The following PDZD2 variants were observed in gnomAD, a reference collection of about 807,000 sequenced individuals.
PDZD2 encodes PDZ domain-containing protein 2.
PDZD2 carries 90 observed loss-of-function variants against 220.7 expected under a neutral mutation model. The observed-to-expected ratio is 0.41, with a 90% CI of 0.34 to 0.49. PDZD2 has a LOEUF of 0.49. PDZD2 is among the 20% of genes least tolerant of loss of function. PDZD2 has a pLI of 0.28. For missense variants in PDZD2, 3,174 were observed against 3,608.5 expected, an observed-to-expected ratio of 0.88 and a Z score of 3.08; for synonymous variants, 1,375 against 1,450.5, an observed-to-expected ratio of 0.95 and a Z score of 1.18.
chr5:31,843,007 G>A (rs559402059), intron 2 of PDZD2, among the ~76,000 whole-genome samples: 10 of 151,298 alleles, frequency 6.6e-5, no homozygotes, highest in Non-Finnish European at 8.8e-5. Context: ...TCAGCCTCCC[G>A]AGTAGCTGCG....
At chr5:31,793,514 AG>A (rs1375067025) in intron 1 of PDZD2, among the ~76,000 whole-genome samples, 1 of 152,144 alleles carries the variant, frequency 6.6e-6, no homozygotes, top group Non-Finnish European at 1.5e-5. Flanking sequence ...GCACTAGAAA[AG>A]CTTTATAATG....
intron 1 of PDZD2, among the ~76,000 whole-genome samples, chr5:31,775,130 A>G: frequency 6.6e-6 from 1 of 152,182 alleles, no homozygotes; most frequent in Non-Finnish European, 1.5e-5. Flanking sequence ...CTATAGTACA[A>G]ACGTCTTCAT....
chr5:32,080,377 GGTGA>G (rs1741813652), intron 19 of PDZD2, among the ~76,000 whole-genome samples: 1 of 148,870 alleles, frequency 6.7e-6, no homozygotes, highest in African/African-American at 2.6e-5. Flanking sequence ...AAAAGTGGGG[GGTGA>G]GGGGTTTCTA....
At chr5:31,931,871 G>T (rs1252569372) in intron 2 of PDZD2, among the ~76,000 whole-genome samples, 1 of 152,064 alleles carries the variant, frequency 6.6e-6, no homozygotes, top group African/African-American at 2.4e-5. Flanking sequence ...AGGAGGGCTG[G>T]ATGGGAGGGG....
At chr5:31,818,323 T>C (rs1459995942) in intron 2 of PDZD2, among the ~76,000 whole-genome samples, 3 of 152,134 alleles carry the variant, frequency 2.0e-5, no homozygotes, top group Non-Finnish European at 4.4e-5. Context: ...ATTTCGAAAG[T>C]AGTCATCTCA....
At chr5:31,772,856 C>G (rs1580725581) in intron 1 of PDZD2, among the ~76,000 whole-genome samples, 1 of 151,076 alleles carries the variant, frequency 6.6e-6, no homozygotes, top group East Asian at 1.9e-4. Context: ...TTCTGCAGCT[C>G]AACTGAGTAA....
chr5:31,994,391 G>A (rs968749348), intron 3 of PDZD2, among the ~76,000 whole-genome samples: 2 of 152,114 alleles, frequency 1.3e-5, no homozygotes, highest in Non-Finnish European at 1.5e-5. Context: ...CCCAGTGTCT[G>A]TGGCAGTGGG....
rs70955736 is a variant in PDZD2 at position 31,689,239 on chromosome 5, T to TTGTGTGTGTGTG, written c.-361+49816_-361+49827dup. ...ACTTGCCAGCATGCCTGGCTAATGT[T>TTGTGTGTGTGTG]TGTGTGTGTGTGTGTGTGTGTGTGT... On this transcript the variant is annotated intron_variant, in intron 1 of 24. Transcript: ENST00000438447. Among the ~76,000 whole-genome samples the TTGTGTGTGTGTG allele has an allele frequency of 6.8e-3, 955 of 140,046 alleles. 12 individuals are homozygous for TTGTGTGTGTGTG. Among genetic ancestry groups the TTGTGTGTGTGTG allele is most frequent in the African/African-American group, 0.024 (882 of 37,040 alleles). The allele number at this position is 140,046 out of a possible 152,430, so 91.9% of individuals were successfully genotyped here.
chr5:31,913,387 T>C (rs1743377920), intron 2 of PDZD2, among the ~76,000 whole-genome samples: 1 of 151,590 alleles, frequency 6.6e-6, no homozygotes, highest in African/African-American at 2.4e-5. Flanking sequence ...AACACAAAGC[T>C]AAGATTTAGC....
intron 6 of PDZD2, among the ~76,000 whole-genome samples, chr5:32,025,946 A>G (rs1212092165): frequency 1.3e-5 from 2 of 152,118 alleles, no homozygotes; most frequent in Non-Finnish European, 2.9e-5. Flanking sequence ...TGGCATGCCC[A>G]GTTAAAACAA....
At chr5:31,918,536 TCTGA>T (rs1456172067) in intron 2 of PDZD2, among the ~76,000 whole-genome samples, 2 of 152,234 alleles carry the variant, frequency 1.3e-5, no homozygotes, top group African/African-American at 4.8e-5. Context: ...CACCTGGTGT[TCTGA>T]CTGTCTCAGG....
intron 1 of PDZD2, among the ~76,000 whole-genome samples, chr5:31,643,880 A>G (rs966238394): frequency 4.0e-5 from 6 of 151,812 alleles, no homozygotes; most frequent in African/African-American, 1.5e-4. Context: ...CTGCAGTGGC[A>G]TGACCACGGC....
chr5:32,088,335 A>C lies in PDZD2; in HGVS notation c.4887A>C (p.Lys1629Asn). ...TQAAICPASAKVLSLKYSTPR... is the reference protein window; with the variant it reads ...TQAAICPASANVLSLKYSTPR... ...CTGCCATCTGTCCTGCCTCAGCCAA[A>C]GTTCTGTCATTAAAATACAGCACTC... is the stretch of plus-strand genomic sequence containing the variant. The change falls in exon 20 of 25, where the codon AAA becomes AAC. Residue 1629 changes from lysine (K) to asparagine (N), a missense_variant. By Grantham distance (94) the Lys-to-Asn change is moderately conservative. Coordinates refer to ENST00000438447, the MANE Select transcript of PDZD2 (RefSeq NM_178140.4). The surrounding 1 kb of genome is among the most constrained non-coding windows in gnomAD (Gnocchi z 4.6). 3 of 1,613,992 alleles carry C rather than the reference A, an allele frequency of 1.9e-6. No individual in the cohort carries two copies. Among genetic ancestry groups the C allele is most frequent in the Non-Finnish European group, 1.7e-6 (2 of 1,180,006 alleles).
Position 31,749,568 on chromosome 5 carries a change from C to T in PDZD2, c.-360-49321C>T, listed in dbSNP as rs553767277. 2.7e-3 allele frequency among the ~76,000 whole-genome samples: 417 copies of T among 152,102 alleles called. 1 individual carries two copies. Among genetic ancestry groups the T allele is most frequent in the Non-Finnish European group, 3.9e-3 (265 of 68,004 alleles). ...CTTCCCGAGTAGCTGGGATTACGGG[C>T]GCCCGCCACCATGCCTGGCTAATTT... On this transcript the variant is annotated intron_variant, in intron 1 of 24. Coordinates refer to ENST00000438447, the MANE Select transcript of PDZD2 (RefSeq NM_178140.4).
chr5:32,092,609 G>C (rs1040708836), intron 20 of PDZD2, among the ~76,000 whole-genome samples: 3 of 152,200 alleles, frequency 2.0e-5, no homozygotes, highest in African/African-American at 7.2e-5. Context: ...CATATGTATT[G>C]AATATTTTAA....
intron 1 of PDZD2, among the ~76,000 whole-genome samples, chr5:31,717,640 A>G (rs1748531537): frequency 6.6e-6 from 1 of 152,086 alleles, no homozygotes; most frequent in African/African-American, 2.4e-5. Context: ...GACAGTAATG[A>G]GAGATGCCAT....
rs56755290 is a variant in PDZD2, at chr5:31,969,509, C to CAAAAAAAAAAAAA, written c.477-13632_477-13620dup. On this transcript the variant is annotated intron_variant, in intron 2 of 24. Transcript: ENST00000438447. ...GGGTGACAGAGCAAGGCCCCCTCTC[C>CAAAAAAAAAAAAA]AAAAAAAAAAAAAAAAAAAAAAAAA... Among the ~76,000 whole-genome samples, 387 of 51,396 alleles carry CAAAAAAAAAAAAA rather than the reference C, an allele frequency of 7.5e-3. 31 individuals carry two copies. Among genetic ancestry groups the CAAAAAAAAAAAAA allele is most frequent in the Middle Eastern group, 0.027 (2 of 74 alleles). 33.7% of individuals were successfully genotyped at this position (51,396 alleles called of 152,430 possible).
intron 14 of PDZD2, among the ~76,000 whole-genome samples, chr5:32,066,069 G>C (rs979388417): frequency 6.6e-6 from 1 of 151,462 alleles, no homozygotes; most frequent in Non-Finnish European, 1.5e-5. Context: ...CCAGCTGGGC[G>C]CAGTAGCTCA....
chr5:31,983,645 T>G lies in PDZD2; in HGVS notation c.967T>G (p.Cys323Gly). The G allele has an allele frequency of 6.2e-7, 1 of 1,613,086 alleles. No homozygotes were observed. The stretch of plus-strand genomic sequence containing the variant: ...GAAGACGGACTTCCAATCGAGTGAC[T>G]GCCTGGCACGGGTAAGGTTTGGTTT... ...GGKTDFQSSD[C>G]LAREEVGRIW... Residue 323 changes from cysteine to glycine, a missense_variant, in exon 3 of 25, where the codon TGC (cysteine) becomes GGC (glycine). This residue lies in a region of PDZD2 where 632 missense variants were observed against 708.1 expected (regional missense o/e 0.89). Transcript: ENST00000438447.
Sources: gnomAD v4.1 joint callset for allele counts (sites outside exome capture counted in the v4.1 genomes callset) on GRCh38, gnomAD v4.1.1 for gene constraint, gnomAD v4.1.1 regional missense constraint, Gnocchi (gnomAD v3.1) non-coding constraint, MANE v1.5 for transcripts, NCBI Gene and HGNC (gene_info 2026-07-23, HGNC 2026-07-21) for gene names.